PHACTR2: variants seen among roughly 807,000 people sequenced by gnomAD.
PHACTR2 encodes the protein chromosome 6 open reading frame 56.
PHACTR2 carries 30 observed loss-of-function variants against 76.0 expected under a neutral mutation model. The observed-to-expected ratio is 0.39, with a 90% CI of 0.30 to 0.54. The LOEUF (loss-of-function observed/expected upper bound fraction) is 0.54. Ranked by LOEUF, PHACTR2 falls within the 20% of genes least tolerant of loss-of-function variation. The pLI is 0.61. For missense variants in PHACTR2, 696 were observed against 781.1 expected, an observed-to-expected ratio of 0.89 and a Z score of 1.30; for synonymous variants, 292 against 292.5, an observed-to-expected ratio of 1.00 and a Z score of 0.02.
rs1776079097 is a variant in PHACTR2, at chr6:143,806,969, A to AT, written c.1846-88_1846-87insT. 1.5e-6 allele frequency: 1 copy of AT among 665,114 alleles called. No individual in the cohort carries two copies. 41.2% of individuals were successfully genotyped at this position (665,114 alleles called of 1,614,324 possible). On this transcript the variant is annotated intron_variant, in intron 11 of 12. Transcript: ENST00000440869. This position sits in a 1 kb window ranked among gnomAD's most constrained non-coding sequence, Gnocchi z 5.8. ...GAGACTCTATCTCTTAAAAAAAAAAAAAAGGTCTGCTTCATTGATGCTGTA... is the reference window on the plus strand; with the variant it reads ...GAGACTCTATCTCTTAAAAAAAAAAATAAAGGTCTGCTTCATTGATGCTGTA...
Position 143,710,638 on chromosome 6 carries a change from A to C in PHACTR2, c.47-1378A>C, listed in dbSNP as rs1025194716. ...CTTGAACCAAGGAGGCGGTGGTTGC[A>C]GTGAGCTGAGATCGCGCCACTGCAC... On this transcript the variant is annotated intron_variant, in intron 1 of 12. Coordinates refer to ENST00000440869, the MANE Select transcript of PHACTR2 (RefSeq NM_001100164.2). This position sits in a 1 kb window ranked among gnomAD's most constrained non-coding sequence, Gnocchi z 4.9. 2.6e-5 allele frequency among the ~76,000 whole-genome samples: 4 copies of C among 152,176 alleles called. No individual in the cohort carries two copies. The highest frequency in any genetic ancestry group is 5.9e-5 in the Non-Finnish European group (4 of 68,030).
chr6:143,605,572 C>A (rs1301050747), upstream of PHACTR2, among the ~76,000 whole-genome samples: 1 of 152,058 alleles, frequency 6.6e-6, no homozygotes. The surrounding 1 kb of genome is among the most constrained non-coding windows in gnomAD (Gnocchi z 5.0). Context: ...AGTGGTGGAG[C>A]CAGTTACCAA....
rs1029553571 is a variant in PHACTR2, at chr6:143,782,428, G to A, written c.1646-791G>A. Among the ~76,000 whole-genome samples, 14 of 152,150 alleles carry A rather than the reference G, an allele frequency of 9.2e-5. No individual in the cohort carries two copies. The highest frequency in any genetic ancestry group is 3.4e-4 in the African/African-American group (14 of 41,420). The stretch of plus-strand genomic sequence containing the variant: ...TCAAACAGATGATCAGCTAAACGAA[G>A]CAACAGAGAGATGTTCCTCAAGTAA... On this transcript the variant is annotated intron_variant, in intron 9 of 12. Transcript: ENST00000440869. The surrounding 1 kb of genome is among the most constrained non-coding windows in gnomAD (Gnocchi z 4.6).
At position 143,689,710 on chromosome 6, in the gene PHACTR2, T is replaced by G. The variant is rs80118026; in HGVS notation, c.46+11501T>G. Among the ~76,000 whole-genome samples, 1 of 151,436 alleles carries G rather than the reference T, an allele frequency of 6.6e-6. No individual in the cohort carries two copies. Among genetic ancestry groups the G allele is most frequent in the Non-Finnish European group, 1.5e-5 (1 of 67,858 alleles). The stretch of plus-strand genomic sequence containing the variant: ...TCTTCTCAAGTCTTTTTTTTTTTTT[T>G]GAGATGGAGTGTCGCTCTGTTGCCC... On this transcript the variant is annotated intron_variant, in intron 1 of 12. Transcript: ENST00000440869. This position sits in a 1 kb window ranked among gnomAD's most constrained non-coding sequence, Gnocchi z 4.4.
rs910419 is a variant in PHACTR2 at position 143,696,113 on chromosome 6, C to A, written c.47-15903C>A. Among the ~76,000 whole-genome samples, 81,355 of 152,030 alleles carry A rather than the reference C, an allele frequency of 0.54. 22,300 individuals are homozygous for A. The highest frequency in any genetic ancestry group is 0.67 in the African/African-American group (27,831 of 41,502). On this transcript the variant is annotated intron_variant, in intron 1 of 12. Transcript: ENST00000440869. The surrounding 1 kb of genome is among the most constrained non-coding windows in gnomAD (Gnocchi z 4.1). Reference sequence around the variant, plus strand: ...TCCCAGCTGGTAGGAAATAGAGCCACGTCCAACTCTTAGCTCCTCTCTCAT... The same window carrying A: ...TCCCAGCTGGTAGGAAATAGAGCCAAGTCCAACTCTTAGCTCCTCTCTCAT...
chr6:143,630,562 G>A (rs766634553), intron 1 of PHACTR2, among the ~76,000 whole-genome samples: 14 of 152,132 alleles, frequency 9.2e-5, no homozygotes, highest in African/African-American at 3.1e-4. Flanking sequence ...GATTAAATGA[G>A]TTAACCTTTC....
chr6:143,738,647 T>C lies in PHACTR2; in HGVS notation c.215-10338T>C, dbSNP rs1778871831. On this transcript the variant is annotated intron_variant, in intron 2 of 12. Transcript: ENST00000440869. This position sits in a 1 kb window ranked among gnomAD's most constrained non-coding sequence, Gnocchi z 4.0. Reference sequence around the variant, plus strand: ...GGTGCATGCCTGTAGTCCCAGCTACTTAGGAGGCTAAGGTGAGAGGATGGC... The same window carrying C: ...GGTGCATGCCTGTAGTCCCAGCTACCTAGGAGGCTAAGGTGAGAGGATGGC... Among the ~76,000 whole-genome samples, 1 of 151,338 alleles carries C rather than the reference T, an allele frequency of 6.6e-6. No homozygotes were observed. Among genetic ancestry groups the C allele is most frequent in the Non-Finnish European group, 1.5e-5 (1 of 67,878 alleles).
chr6:143,628,938 T>G (rs1776309955), intron 1 of PHACTR2, among the ~76,000 whole-genome samples: 3 of 26,000 alleles, frequency 1.2e-4, no homozygotes, highest in East Asian at 5.3e-4. Flanking sequence ...TATATATATA[T>G]ATATATATAT....
Position 143,757,675 on chromosome 6 carries a change from T to C in PHACTR2, c.455-2726T>C, listed in dbSNP as rs1467777219. 1.3e-5 allele frequency among the ~76,000 whole-genome samples: 2 copies of C among 152,196 alleles called. No homozygotes were observed. The highest frequency in any genetic ancestry group is 4.8e-5 in the African/African-American group (2 of 41,448). On this transcript the variant is annotated intron_variant, in intron 4 of 12. Transcript: ENST00000440869. This position sits in a 1 kb window ranked among gnomAD's most constrained non-coding sequence, Gnocchi z 4.2. The stretch of plus-strand genomic sequence containing the variant: ...CCTTCTCTTGAAGTGATAATACTCC[T>C]ATATGCCATCAGTTTATATCATGTC...
At chr6:143,745,919 G>A (rs956769888) in intron 2 of PHACTR2, among the ~76,000 whole-genome samples, 1 of 152,216 alleles carries the variant, frequency 6.6e-6, no homozygotes, top group Non-Finnish European at 1.5e-5. Context: ...AGTTTACAAG[G>A]AAGAAAGAGG....
rs927814544 is a variant in PHACTR2, at chr6:143,581,504, G to A, written c.217+44297G>A. Among the ~76,000 whole-genome samples, 2 of 152,146 alleles carry A rather than the reference G, an allele frequency of 1.3e-5. No homozygotes were observed. The highest frequency in any genetic ancestry group is 4.1e-4 in the South Asian group (2 of 4,820). On this transcript the variant is annotated intron_variant, in intron 1 of 11. Coordinates refer to the PHACTR2 transcript ENST00000367584. This position sits in a 1 kb window ranked among gnomAD's most constrained non-coding sequence, Gnocchi z 4.5. ...GAGAGAAGGGACCTTTTCTGCAGAC[G>A]GTGGCCTGGAGAAGAAGCTCTTTTT... is the stretch of plus-strand genomic sequence containing the variant.
At chr6:143,763,085 A>G (rs1779475746) in intron 5 of PHACTR2, among the ~76,000 whole-genome samples, 1 of 152,208 alleles carries the variant, frequency 6.6e-6, no homozygotes, top group Non-Finnish European at 1.5e-5. Flanking sequence ...TTGGCCAGGC[A>G]TTGTGACTCA....
At chr6:143,727,887 G>T (rs1421562794) in intron 2 of PHACTR2, among the ~76,000 whole-genome samples, 1 of 152,180 alleles carries the variant, frequency 6.6e-6, no homozygotes, top group Admixed American at 6.5e-5. Context: ...CTAACATAAT[G>T]CTGAATGGGG....
rs543063805 is a variant in PHACTR2, at chr6:143,664,425, A to G, written c.14-47591A>G. Among the ~76,000 whole-genome samples the G allele has an allele frequency of 2.0e-5, 3 of 152,198 alleles. No individual in the cohort carries two copies. In the South Asian group the frequency reaches 6.2e-4, roughly 32 times the overall value. On this transcript the variant is annotated intron_variant, in intron 1 of 11. Coordinates refer to the PHACTR2 transcript ENST00000305766. This position sits in a 1 kb window ranked among gnomAD's most constrained non-coding sequence, Gnocchi z 5.1. ...ATTGAGATTACTAATTTGGACTTAC[A>G]TTGCCATCTTAATTTGTGTCATCTT...
rs1776359760 is a variant in PHACTR2 at position 143,819,013 on chromosome 6, G to A, written c.1923-4661G>A. Among the ~76,000 whole-genome samples the A allele has an allele frequency of 6.6e-6, 1 of 152,136 alleles. No homozygotes were observed. The highest frequency in any genetic ancestry group is 1.5e-5 in the Non-Finnish European group (1 of 68,020). On this transcript the variant is annotated intron_variant, in intron 12 of 12. Transcript: ENST00000440869. This position sits in a 1 kb window ranked among gnomAD's most constrained non-coding sequence, Gnocchi z 5.0. ...AACATTTTGGAATGTCCTGTCAGGT[G>A]GGTTATTGTATATTAGTATACATTT... is the stretch of plus-strand genomic sequence containing the variant.
intron 1 of PHACTR2, among the ~76,000 whole-genome samples, chr6:143,693,890 G>A (rs773978961): frequency 5.3e-5 from 8 of 152,026 alleles, no homozygotes; most frequent in Admixed American, 3.3e-4. Flanking sequence ...GCAATGTGGC[G>A]AAACCCGTCT....
rs1334747800 is a variant in PHACTR2 at position 143,562,785 on chromosome 6, T to G, written c.217+25578T>G. On this transcript the variant is annotated intron_variant, in intron 1 of 11. Coordinates refer to the PHACTR2 transcript ENST00000367584. This position sits in a 1 kb window ranked among gnomAD's most constrained non-coding sequence, Gnocchi z 5.1. Reference sequence around the variant, plus strand: ...GAGTAGTTGAATTAACAAAATATGGTATTTATGTACATGAGTATTATCCAG... The same window carrying G: ...GAGTAGTTGAATTAACAAAATATGGGATTTATGTACATGAGTATTATCCAG... Among the ~76,000 whole-genome samples the G allele has an allele frequency of 1.3e-5, 2 of 152,148 alleles. No individual in the cohort carries two copies. Among genetic ancestry groups the G allele is most frequent in the Non-Finnish European group, 2.9e-5 (2 of 68,016 alleles).
At chr6:143,657,256 T>A (rs978253542) in intron 1 of PHACTR2, among the ~76,000 whole-genome samples, 1 of 149,446 alleles carries the variant, frequency 6.7e-6, no homozygotes, top group Non-Finnish European at 1.5e-5. Context: ...AAAAAAAAAA[T>A]TGTGGTACAA....
At position 143,765,439 on chromosome 6, in the gene PHACTR2, C is replaced by G; in HGVS notation, c.873C>G (p.Ser291=). The change falls in exon 6 of 13, where the codon TCC becomes TCG. Residue 291 remains serine, a synonymous_variant. Coordinates refer to ENST00000440869, the MANE Select transcript of PHACTR2 (RefSeq NM_001100164.2). This position sits in a 1 kb window ranked among gnomAD's most constrained non-coding sequence, Gnocchi z 4.1. ...AGCAGCCAATAACTTCTCACCTGTC[C>G]TCAGACACAACAACTTCTGGCACAT... ...TDKQPITSHL[S]SDTTTSGTSD... 6.2e-7 allele frequency: 1 copy of G among 1,614,222 alleles called. No homozygotes were observed. Among genetic ancestry groups the G allele is most frequent in the Non-Finnish European group, 8.5e-7 (1 of 1,180,038 alleles).
Sources: gnomAD v4.1 joint callset for allele counts (sites outside exome capture counted in the v4.1 genomes callset) on GRCh38, gnomAD v4.1.1 for gene constraint, Gnocchi (gnomAD v3.1) non-coding constraint, MANE v1.5 for transcripts, NCBI Gene and HGNC (gene_info 2026-07-23, HGNC 2026-07-21) for gene names.